The following NOL4 variants were observed in gnomAD, a reference collection of about 807,000 sequenced individuals.
The protein encoded by NOL4 is cancer/testis antigen 125.
In NOL4, 17 loss-of-function variants were observed where a neutral mutation model predicts 75.9. The observed-to-expected ratio is 0.22, with a 90% CI of 0.15 to 0.34. The LOEUF (loss-of-function observed/expected upper bound fraction) is 0.34, where lower values mean the gene tolerates loss of function less well. NOL4 is among the 10% of genes least tolerant of loss of function. The pLI is 1.00. For synonymous variants in NOL4, 292 were observed against 289.9 expected, an observed-to-expected ratio of 1.01 and a Z score of -0.07; for missense variants, 614 against 793.5, an observed-to-expected ratio of 0.77 and a Z score of 2.72.
intron 10 of NOL4, among the ~76,000 whole-genome samples, chr18:33,866,588 T>C (rs577087605): frequency 4.6e-5 from 7 of 152,300 alleles, no homozygotes; most frequent in South Asian, 4.1e-4. Flanking sequence ...TAAATGACCT[T>C]TCTACCCAAG....
intron 6 of NOL4, among the ~76,000 whole-genome samples, chr18:34,012,913 C>A (rs1388152144): frequency 6.6e-6 from 1 of 151,992 alleles, no homozygotes; most frequent in Non-Finnish European, 1.5e-5. Flanking sequence ...ATTGGTCTCA[C>A]ACAGCATCAG....
chr18:34,163,014 C>G (rs557363331), intron 1 of NOL4, among the ~76,000 whole-genome samples: 3 of 151,966 alleles, frequency 2.0e-5, no homozygotes, highest in East Asian at 1.9e-4. Flanking sequence ...AATAGATGCA[C>G]AAAAGGCCTT....
chr18:34,120,499 A>C (rs969411765), intron 2 of NOL4, among the ~76,000 whole-genome samples: 1 of 152,208 alleles, frequency 6.6e-6, no homozygotes, highest in African/African-American at 2.4e-5. Context: ...CTGTCCATCC[A>C]AAGTTATTTT....
chr18:33,924,348 G>T (rs1353436014), intron 9 of NOL4, among the ~76,000 whole-genome samples: 2 of 152,144 alleles, frequency 1.3e-5, no homozygotes, highest in Non-Finnish European at 2.9e-5. Flanking sequence ...TGACCATATT[G>T]TACTTGTGAT....
chr18:34,054,119 T>C (rs892127980), intron 5 of NOL4, among the ~76,000 whole-genome samples: 17 of 152,122 alleles, frequency 1.1e-4, no homozygotes, highest in African/African-American at 3.4e-4. Context: ...TGTTAAGACT[T>C]GTTTTGTACC....
chr18:34,171,240 TC>T (rs1005072084), intron 1 of NOL4, among the ~76,000 whole-genome samples: 3 of 152,166 alleles, frequency 2.0e-5, no homozygotes, highest in African/African-American at 7.2e-5. Flanking sequence ...ATTTAGGTTT[TC>T]TCAGCCTTCT....
rs760954763 is a variant in NOL4 at position 33,916,764 on chromosome 18, A to G, written c.1542+26301T>C. Among the ~76,000 whole-genome samples the G allele has an allele frequency of 2.5e-4, 38 of 152,204 alleles. 1 individual carries two copies. Among genetic ancestry groups the G allele is most frequent in the Non-Finnish European group, 4.7e-4 (32 of 68,028 alleles). On this transcript the variant is annotated intron_variant, in intron 9 of 10. Transcript: ENST00000261592. ...GACATGCCTAGTACTAAATGTATCT[A>G]TGTTTAGGTATAACTTCAGATGTTT...
At chr18:34,138,399 C>A (rs1258863916) in intron 1 of NOL4, among the ~76,000 whole-genome samples, 1 of 151,452 alleles carries the variant, frequency 6.6e-6, no homozygotes, top group Non-Finnish European at 1.5e-5. Context: ...GAGAAACTAC[C>A]TCAAAAAAAT....
chr18:33,871,711 A>AGATTT (rs1327718246), intron 10 of NOL4, among the ~76,000 whole-genome samples: 1 of 152,066 alleles, frequency 6.6e-6, no homozygotes, highest in African/African-American at 2.4e-5. Context: ...GAGGCTCTTA[A>AGATTT]GAGTATATAA....
intron 1 of NOL4, among the ~76,000 whole-genome samples, chr18:34,147,475 A>C (rs1421847283): frequency 6.6e-6 from 1 of 152,106 alleles, no homozygotes; most frequent in Non-Finnish European, 1.5e-5. Flanking sequence ...TGAGATAATC[A>C]TGTGGTTTTT....
rs1446676880 is a variant in NOL4, at chr18:34,114,924, A to C, written c.415-9764T>G. Among the ~76,000 whole-genome samples the C allele has an allele frequency of 2.0e-5, 3 of 152,206 alleles. No homozygotes were observed. The East Asian group carries it at 5.8e-4, about 29-fold the overall frequency. On this transcript the variant is annotated intron_variant, in intron 2 of 10. Coordinates refer to ENST00000261592, the MANE Select transcript of NOL4 (RefSeq NM_003787.5). ...AGTATCAAAATGTCATCACAGAAAAATTCAGTGTTTGTTAAACTATCTTCA... is the reference window on the plus strand; with the variant it reads ...AGTATCAAAATGTCATCACAGAAAACTTCAGTGTTTGTTAAACTATCTTCA...
intron 10 of NOL4, among the ~76,000 whole-genome samples, chr18:33,864,558 T>C (rs2063336781): frequency 6.6e-6 from 1 of 152,134 alleles, no homozygotes; most frequent in Admixed American, 6.6e-5. Flanking sequence ...TCAACAAGTC[T>C]CTAGGAAGTT....
chr18:33,886,896 T>A (rs2064722065), intron 9 of NOL4, among the ~76,000 whole-genome samples: 1 of 133,402 alleles, frequency 7.5e-6, no homozygotes, highest in Admixed American at 7.7e-5. Context: ...TCTAGATATA[T>A]TATATCTAGA....
chr18:33,978,940 T>G (rs1212148238), intron 6 of NOL4, among the ~76,000 whole-genome samples: 1 of 152,054 alleles, frequency 6.6e-6, no homozygotes, highest in Non-Finnish European at 1.5e-5. Flanking sequence ...ATAGAGCAAG[T>G]GCTTAATAAA....
intron 9 of NOL4, among the ~76,000 whole-genome samples, chr18:33,888,635 G>A (rs539883945): frequency 6.6e-5 from 10 of 151,912 alleles, no homozygotes; most frequent in Non-Finnish European, 1.3e-4. Context: ...CTTTCTACAG[G>A]TGGCTAGACA....
At chr18:34,019,101 C>T (rs1222741582) in intron 6 of NOL4, among the ~76,000 whole-genome samples, 1 of 152,154 alleles carries the variant, frequency 6.6e-6, no homozygotes, top group Non-Finnish European at 1.5e-5. Context: ...GATCTAAAAA[C>T]ACCCACAGCT....
At chr18:33,935,623 T>C (rs1044258258) in intron 9 of NOL4, among the ~76,000 whole-genome samples, 3 of 152,122 alleles carry the variant, frequency 2.0e-5, no homozygotes, top group Non-Finnish European at 4.4e-5. Context: ...GTTACCAATA[T>C]GTGACATAGA....
chr18:34,174,517 C>A (rs935044845), intron 1 of NOL4, among the ~76,000 whole-genome samples: 8 of 151,880 alleles, frequency 5.3e-5, no homozygotes, highest in African/African-American at 1.9e-4. Flanking sequence ...AAATAATGGT[C>A]CACATTTTTT....
At chr18:34,072,744 C>T (rs553659691) in intron 5 of NOL4, among the ~76,000 whole-genome samples, 10 of 152,040 alleles carry the variant, frequency 6.6e-5, no homozygotes, top group Admixed American at 3.3e-4. Flanking sequence ...TGCCTTTGTC[C>T]GTCATTTCAT....
Sources: allele counts gnomAD v4.1 joint callset (sites outside exome capture counted in the v4.1 genomes callset), GRCh38; gene constraint gnomAD v4.1.1; transcripts MANE v1.5; gene names NCBI Gene and HGNC (gene_info 2026-07-23, HGNC 2026-07-21).